IGFBP2: variants seen among roughly 807,000 people sequenced by gnomAD.
IGFBP2 encodes insulin-like growth factor-binding protein 2.
In IGFBP2, 12 loss-of-function variants were observed where a neutral mutation model predicts 26.2. That is an observed-to-expected ratio of 0.46 (90% CI 0.29 to 0.74). The LOEUF is 0.74. Among genes scored for constraint, IGFBP2 ranks in the 30% least tolerant of loss-of-function variants. The pLI is 0.09. For synonymous variants in IGFBP2, 189 were observed against 200.6 expected (o/e 0.94, Z 0.49); for missense variants, 328 against 441.2 (o/e 0.74, Z 2.30).
chr2:216,649,158 T>C (rs1319875234), intron 1 of IGFBP2, among the ~76,000 whole-genome samples: 2 of 152,250 alleles, frequency 1.3e-5, no homozygotes, highest in Non-Finnish European at 2.9e-5. Context: ...TTGTCCAAAT[T>C]GTTTTGTGAA....
chr2:216,660,868 AC>A (rs1294081826), intron 2 of IGFBP2, 82 bp downstream of exon 2: 1 of 1,072,770 alleles, frequency 9.3e-7, no homozygotes, highest in African/African-American at 1.6e-5. Flanking sequence ...TCCTAATAAG[AC>A]CCTCATCTGG....
chr2:216,660,431 C>T, intron 1 of IGFBP2, 126 bp from the exon 2 acceptor site: 3 of 658,012 alleles, frequency 4.6e-6, no homozygotes, highest in South Asian at 3.9e-5. Flanking sequence ...CCCTGACAGG[C>T]CATCAGCACT....
chr2:216,641,676 C>T (rs1697615718), intron 1 of IGFBP2, among the ~76,000 whole-genome samples: 1 of 150,580 alleles, frequency 6.6e-6, no homozygotes, highest in South Asian at 2.1e-4. Flanking sequence ...GGTTGGAGAC[C>T]ATCGGGCTTG....
At chr2:216,641,785 G>A (rs1457319904) in intron 1 of IGFBP2, among the ~76,000 whole-genome samples, 1 of 150,788 alleles carries the variant, frequency 6.6e-6, no homozygotes, top group Non-Finnish European at 1.5e-5. Flanking sequence ...CACCTCCTGG[G>A]TTCACGCCAT....
chr2:216,655,107 G>T (rs947117761), intron 1 of IGFBP2, among the ~76,000 whole-genome samples: 7 of 152,134 alleles, frequency 4.6e-5, no homozygotes, highest in Non-Finnish European at 8.8e-5. Context: ...GAGTGCAGTG[G>T]CATGATCATG....
At chr2:216,651,368 C>T (rs571051536) in intron 1 of IGFBP2, among the ~76,000 whole-genome samples, 1 of 152,198 alleles carries the variant, frequency 6.6e-6, no homozygotes. Flanking sequence ...TTCAAATTCT[C>T]TCCAACAAAA....
chr2:216,634,028 C>T (rs1233741631), intron 1 of IGFBP2, 63 bp downstream of exon 1: 1 of 1,511,608 alleles, frequency 6.6e-7, no homozygotes, highest in Admixed American at 2.0e-5. Flanking sequence ...GCCCGACGGG[C>T]GGCTGGACCT....
Position 216,657,734 on chromosome 2 carries a change from C to T in IGFBP2, c.443-2823C>T, listed in dbSNP as rs187321087. Among the ~76,000 whole-genome samples, 223 of 152,298 alleles carry T rather than the reference C, an allele frequency of 1.5e-3. 1 individual carries two copies. The highest frequency in any genetic ancestry group is 0.012 in the East Asian group (61 of 5,180). On this transcript the variant is annotated intron_variant, in intron 1 of 3. Coordinates refer to ENST00000233809, the MANE Select transcript of IGFBP2 (RefSeq NM_000597.3). ...GACTCCAACCTAGCCTGGAGGCGCA[C>T]GCTAAATCGGCCTTTTCCTGCCGGT... is the stretch of plus-strand genomic sequence containing the variant.
At chr2:216,654,976 T>C (rs1697890607) in intron 1 of IGFBP2, among the ~76,000 whole-genome samples, 1 of 152,192 alleles carries the variant, frequency 6.6e-6, no homozygotes, top group South Asian at 2.1e-4. Flanking sequence ...GGGTTGCATA[T>C]GACATCTGTG....
chr2:216,663,513 C>T (rs1339969141), intron 3 of IGFBP2: 1 of 159,460 alleles, frequency 6.3e-6, no homozygotes, highest in African/African-American at 2.4e-5. Context: ...AGCAGTGTGT[C>T]TTGCACACAC....
At chr2:216,659,789 C>T in intron 1 of IGFBP2, 10 of 1,488,412 alleles carry the variant, frequency 6.7e-6, no homozygotes, top group Non-Finnish European at 9.1e-6. Context: ...AGTTCCTGTT[C>T]TTGGGGCTCT....
At chr2:216,649,920 C>T (rs1480701709) in intron 1 of IGFBP2, among the ~76,000 whole-genome samples, 4 of 152,272 alleles carry the variant, frequency 2.6e-5, no homozygotes, top group African/African-American at 7.2e-5. Context: ...AGGAGAGGCC[C>T]CTCTGCATGT....
intron 1 of IGFBP2, among the ~76,000 whole-genome samples, chr2:216,655,850 G>A (rs920527908): frequency 6.6e-5 from 10 of 151,444 alleles, no homozygotes; most frequent in South Asian, 2.1e-4. Flanking sequence ...AGCCAAGATC[G>A]TGCCACTGTA....
At chr2:216,643,716 G>A (rs185570554) in intron 1 of IGFBP2, among the ~76,000 whole-genome samples, 7 of 152,226 alleles carry the variant, frequency 4.6e-5, no homozygotes, top group South Asian at 2.1e-4. Context: ...GAAAGTTTAC[G>A]AAATTGTGTT....
chr2:216,653,177 C>A (rs1697859186), intron 1 of IGFBP2, among the ~76,000 whole-genome samples: 1 of 152,134 alleles, frequency 6.6e-6, no homozygotes, highest in South Asian at 2.1e-4. Flanking sequence ...CTTTTAGATT[C>A]TTGGGGCTTA....
Position 216,646,519 on chromosome 2 carries a change from AG to A in IGFBP2, c.442+12555del, listed in dbSNP as rs1338644715. ...AACAGGGTACTCTTGGGCAAGTGCT[AG>A]ATGCTCTTTGATAGTGTATTAGTCT... On this transcript the variant is annotated intron_variant, in intron 1 of 3. Coordinates refer to ENST00000233809, the MANE Select transcript of IGFBP2 (RefSeq NM_000597.3). 6.0e-4 allele frequency among the ~76,000 whole-genome samples: 92 copies of A among 152,348 alleles called. 1 individual carries two copies. Among genetic ancestry groups the A allele is most frequent in the Admixed American group, 1.8e-3 (27 of 15,296 alleles).
intron 1 of IGFBP2, among the ~76,000 whole-genome samples, chr2:216,646,378 C>CACTTGCTCACTGCCTTTCTTG (rs561758119): frequency 6.6e-6 from 1 of 152,176 alleles, no homozygotes; most frequent in Non-Finnish European, 1.5e-5. Context: ...CTCATGGTTC[C>CACTTGCTCACTGCCTTTCTTG]ACTTGCTCAC....
chr2:216,659,677 G>A, intron 1 of IGFBP2: 4 of 1,516,602 alleles, frequency 2.6e-6, no homozygotes, highest in Non-Finnish European at 3.5e-6. Flanking sequence ...GCATACAAAA[G>A]GTTGAAGAAA....
intron 1 of IGFBP2, among the ~76,000 whole-genome samples, chr2:216,655,995 TA>T (rs1697915316): frequency 6.6e-6 from 1 of 151,908 alleles, no homozygotes; most frequent in Non-Finnish European, 1.5e-5. Flanking sequence ...ACCTAAAAGT[TA>T]TTTTTTTTTT....
Sources: allele counts gnomAD v4.1 joint callset (sites outside exome capture counted in the v4.1 genomes callset), GRCh38; gene constraint gnomAD v4.1.1; transcripts MANE v1.5; gene names NCBI Gene and HGNC (gene_info 2026-07-23, HGNC 2026-07-21).